Variants in CELSR1 observed in about 807,000 individuals in gnomAD.
CELSR1 encodes the protein cadherin EGF LAG seven-pass G-type receptor 1.
CELSR1 carries 110 observed loss-of-function variants against 249.1 expected under a neutral mutation model. The ratio of observed to expected loss-of-function variants is 0.44; its 90% confidence interval spans 0.38 to 0.52. The LOEUF is 0.52. CELSR1 is among the 20% of genes least tolerant of loss of function. The probability of loss-of-function intolerance (pLI) is 0.00; values close to 1 mark genes in which losing one functional copy is unlikely to be tolerated. For synonymous variants in CELSR1, 2,113 were observed against 1,900.0 expected, an observed-to-expected ratio of 1.11 and a Z score of -2.92; for missense variants, 4,109 against 4,296.4, an observed-to-expected ratio of 0.96 and a Z score of 1.22.
rs747589444 is a variant in CELSR1, at chr22:46,373,016, G to A, written c.7626C>T (p.Tyr2542=). 1 of 1,612,416 alleles carries A rather than the reference G, an allele frequency of 6.2e-7. No individual in the cohort carries two copies. Among genetic ancestry groups the A allele is most frequent in the African/African-American group, 1.3e-5 (1 of 74,936 alleles). The change falls in exon 25 of 35, where the codon TAC becomes TAT. Residue 2542 remains tyrosine, a synonymous_variant. Coordinates refer to ENST00000674500, the MANE Select transcript of CELSR1 (RefSeq NM_001378328.1). ...TVVAILLHYI[Y]MSTFAWTLVE... ...CGAGGGTCCAGGCAAAGGTGCTCAT[G>A]TAGATGTAGTGGAGGAGGATGGCAA...
At position 46,384,644 on chromosome 22, in the gene CELSR1, G is replaced by A. The variant is rs772261975; in HGVS notation, c.6782C>T (p.Ala2261Val). ...DIFDKFNFTGARVPRFDTIHE... is the reference protein window; with the variant it reads ...DIFDKFNFTGVRVPRFDTIHE... ...GATGGTGTCGAATCGCGGGACCCTGGCTCCCGTAAAGTTGAACTTGTCAAA... is the reference window on the plus strand; with the variant it reads ...GATGGTGTCGAATCGCGGGACCCTGACTCCCGTAAAGTTGAACTTGTCAAA... The change falls in exon 20 of 35, where the codon GCC (alanine) becomes GTC (valine). Residue 2261 changes from alanine to valine, a missense_variant. Transcript: ENST00000674500. 6.2e-7 allele frequency: 1 copy of A among 1,613,526 alleles called. No individual in the cohort carries two copies. The highest frequency in any genetic ancestry group is 8.5e-7 in the Non-Finnish European group (1 of 1,179,768).
chr22:46,439,847 G>C (rs147066030), intron 2 of CELSR1, among the ~76,000 whole-genome samples: 1 of 152,072 alleles, frequency 6.6e-6, no homozygotes. Flanking sequence ...GCAGAGCCTC[G>C]TCAGAGATTT....
In CELSR1 at chr22:46,396,605, T is replaced by A. The variant is rs779367034; in HGVS notation, c.5843A>T (p.Lys1948Ile). The change falls in exon 13 of 35, where the codon AAA (lysine) becomes ATA (isoleucine). Residue 1948 changes from lysine (K) to isoleucine (I), a missense_variant and splice_region_variant. Lys to Ile is a moderately radical substitution (Grantham distance 102, BLOSUM62 -3). Around this residue, in one of 7 missense-constraint regions of CELSR1, gnomAD observed 1,805 missense variants for 1,831.6 expected, o/e 0.99. Coordinates refer to ENST00000674500, the MANE Select transcript of CELSR1 (RefSeq NM_001378328.1). The surrounding 1 kb of genome is among the most constrained non-coding windows in gnomAD (Gnocchi z 6.4). ...PSHYGPYCEN[K>I]LDLPCPRGWW... is the part of the protein sequence containing the mutation. ...GGGAGGCACCAGGGGCTGCTCTTACTTGTTCTCACAGTACGGCCCGTAGTG... is the reference window on the plus strand; with the variant it reads ...GGGAGGCACCAGGGGCTGCTCTTACATGTTCTCACAGTACGGCCCGTAGTG... The A allele has an allele frequency of 1.3e-6, 2 of 1,573,722 alleles. No individual in the cohort carries two copies. The highest frequency in any genetic ancestry group is 1.7e-6 in the Non-Finnish European group (2 of 1,161,466).
At chr22:46,524,541 C>T (rs537548718) in intron 1 of CELSR1, among the ~76,000 whole-genome samples, 26 of 77,878 alleles carry the variant, frequency 3.3e-4, no homozygotes, top group East Asian at 1.3e-3. Flanking sequence ...CCGTTGTGTG[C>T]GTGTGTGTGT....
rs1193708027 is a variant in CELSR1, at chr22:46,402,479, A to G, written c.5227-2577T>C. 6.6e-6 allele frequency among the ~76,000 whole-genome samples: 1 copy of G among 152,122 alleles called. No individual in the cohort carries two copies. Among genetic ancestry groups the G allele is most frequent in the Non-Finnish European group, 1.5e-5 (1 of 68,018 alleles). On this transcript the variant is annotated intron_variant, in intron 9 of 34. Coordinates refer to ENST00000674500, the MANE Select transcript of CELSR1 (RefSeq NM_001378328.1). This position sits in a 1 kb window ranked among gnomAD's most constrained non-coding sequence, Gnocchi z 5.0. Reference sequence around the variant, plus strand: ...TGATCTGCCTGTCTTGGCCTCCCAAAGTGCTGGGATTACAGGCATGAGCCA... The same window carrying G: ...TGATCTGCCTGTCTTGGCCTCCCAAGGTGCTGGGATTACAGGCATGAGCCA...
chr22:46,394,583 G>T (rs1199223996), intron 13 of CELSR1, among the ~76,000 whole-genome samples: 3 of 152,216 alleles, frequency 2.0e-5, no homozygotes, highest in Non-Finnish European at 4.4e-5. Flanking sequence ...TCACGATGCA[G>T]CCCCAGGCAG....
At position 46,484,998 on chromosome 22, in the gene CELSR1, C is replaced by A. The variant is rs1202761937; in HGVS notation, c.3545-20653G>T. ...CTGAGAAAATTCCAGTCCTAAATTT[C>A]AAGAGACTGATTCAGCATGACATTA... is the stretch of plus-strand genomic sequence containing the variant. On this transcript the variant is annotated intron_variant, in intron 1 of 34. Coordinates refer to ENST00000674500, the MANE Select transcript of CELSR1 (RefSeq NM_001378328.1). This position sits in a 1 kb window ranked among gnomAD's most constrained non-coding sequence, Gnocchi z 4.5. 1.3e-5 allele frequency among the ~76,000 whole-genome samples: 2 copies of A among 151,852 alleles called. No individual in the cohort carries two copies. Among genetic ancestry groups the A allele is most frequent in the Admixed American group, 1.3e-4 (2 of 15,218 alleles).
intron 1 of CELSR1, among the ~76,000 whole-genome samples, chr22:46,516,826 G>T (rs999171287): frequency 1.2e-4 from 18 of 152,338 alleles, no homozygotes; most frequent in Admixed American, 6.5e-4. Context: ...GCAGGAAGCT[G>T]CGGGGTGGGG....
chr22:46,481,507 A>C (rs1402989647), intron 1 of CELSR1: 1 of 1,530,650 alleles, frequency 6.5e-7, no homozygotes, highest in Admixed American at 1.9e-5. Context: ...GCACCGGACC[A>C]GGTGGTCCTG....
chr22:46,494,513 T>C (rs898369668), intron 1 of CELSR1, among the ~76,000 whole-genome samples: 3 of 152,202 alleles, frequency 2.0e-5, no homozygotes, highest in Admixed American at 6.5e-5. Flanking sequence ...TAATTTATTT[T>C]ATTTTATTTT....
chr22:46,399,354 C>T lies in CELSR1; in HGVS notation c.5412+363G>A, dbSNP rs1266876532. Among the ~76,000 whole-genome samples, 2 of 152,208 alleles carry T rather than the reference C, an allele frequency of 1.3e-5. No homozygotes were observed. The highest frequency in any genetic ancestry group is 4.8e-5 in the African/African-American group (2 of 41,460). Reference sequence around the variant, plus strand: ...TTGCTCCCCATCCATGCTCTGAGGGCACGGGCCCCAGCATTGCTACTTCAG... The same window carrying T: ...TTGCTCCCCATCCATGCTCTGAGGGTACGGGCCCCAGCATTGCTACTTCAG... On this transcript the variant is annotated intron_variant, in intron 10 of 34. Coordinates refer to ENST00000674500, the MANE Select transcript of CELSR1 (RefSeq NM_001378328.1). This position sits in a 1 kb window ranked among gnomAD's most constrained non-coding sequence, Gnocchi z 5.0.
At position 46,409,709 on chromosome 22, in the gene CELSR1, T is replaced by C. The variant is rs1410160943; in HGVS notation, c.5059+46A>G. The C allele has an allele frequency of 1.2e-6, 2 of 1,606,052 alleles. No individual in the cohort carries two copies. The highest frequency in any genetic ancestry group is 1.1e-5 in the South Asian group (1 of 91,032). On this transcript the variant is annotated intron_variant, in intron 8 of 34. Coordinates refer to ENST00000674500, the MANE Select transcript of CELSR1 (RefSeq NM_001378328.1). This position sits in a 1 kb window ranked among gnomAD's most constrained non-coding sequence, Gnocchi z 9.8. The stretch of plus-strand genomic sequence containing the variant: ...CCCGGGCACATCAAGGAGCAATGCC[T>C]CCCAGGCCGCCGTGACCGGGGGGAT...
At chr22:46,366,558 C>A in intron 29 of CELSR1, 78 bp from the exon 30 acceptor site, 3 of 1,179,344 alleles carry the variant, frequency 2.5e-6, no homozygotes, top group Non-Finnish European at 3.7e-6. Flanking sequence ...TCTGTCCCCA[C>A]GGCAAGCCCC....
At chr22:46,400,359 T>C (rs1602082390) in intron 9 of CELSR1, among the ~76,000 whole-genome samples, 1 of 149,924 alleles carries the variant, frequency 6.7e-6, no homozygotes, top group Non-Finnish European at 1.5e-5. Context: ...CAAAGTTGGC[T>C]GGGAGCAGTG....
At chr22:46,457,843 C>G (rs1043528612) in intron 2 of CELSR1, among the ~76,000 whole-genome samples, 1 of 152,178 alleles carries the variant, frequency 6.6e-6, no homozygotes, top group Admixed American at 6.6e-5. Flanking sequence ...TTGGAGGGTC[C>G]GGTTCCTCCT....
At chr22:46,460,706 G>A (rs1238814785) in intron 2 of CELSR1, among the ~76,000 whole-genome samples, 2 of 152,180 alleles carry the variant, frequency 1.3e-5, no homozygotes, top group Admixed American at 6.5e-5. Flanking sequence ...GGAGCCTTAA[G>A]GCTTCCTGCC....
In CELSR1 at chr22:46,391,981, G is replaced by T. The variant is rs1026176196; in HGVS notation, c.5965-165C>A. Among the ~76,000 whole-genome samples the T allele has an allele frequency of 3.9e-5, 6 of 152,208 alleles. No individual in the cohort carries two copies. Among genetic ancestry groups the T allele is most frequent in the Non-Finnish European group, 8.8e-5 (6 of 68,022 alleles). On this transcript the variant is annotated intron_variant, in intron 14 of 34. Transcript: ENST00000674500. The surrounding 1 kb of genome is among the most constrained non-coding windows in gnomAD (Gnocchi z 4.3). Reference sequence around the variant, plus strand: ...CTCTGCCCACATCCCACACCCAACGGGGGCTGCCTCCCAAGGCCCCACAAG... The same window carrying T: ...CTCTGCCCACATCCCACACCCAACGTGGGCTGCCTCCCAAGGCCCCACAAG...
chr22:46,520,303 G>A (rs370490064), intron 1 of CELSR1, among the ~76,000 whole-genome samples: 12 of 152,254 alleles, frequency 7.9e-5, no homozygotes, highest in African/African-American at 2.2e-4. Flanking sequence ...AAAGGAACCC[G>A]TTCAGTGCTC....
In CELSR1 at chr22:46,537,578, C is replaced by G. The variant is rs1019789662; in HGVS notation, c.-408G>C. On this transcript the variant is annotated 5_prime_UTR_variant, in exon 1 of 35. Coordinates refer to ENST00000674500, the MANE Select transcript of CELSR1 (RefSeq NM_001378328.1). This position sits in a 1 kb window ranked among gnomAD's most constrained non-coding sequence, Gnocchi z 5.8. The stretch of plus-strand genomic sequence containing the variant: ...CGGAGCGGGCTGGGCAGCTCCGCGC[C>G]GCGCAGACCCCGGCGGCCGGCTGCT... Among the ~76,000 whole-genome samples, 19 of 147,202 alleles carry G rather than the reference C, an allele frequency of 1.3e-4. No homozygotes were observed. Among genetic ancestry groups the G allele is most frequent in the African/African-American group, 4.6e-4 (19 of 40,902 alleles).
Sources: gnomAD v4.1 joint callset for allele counts (sites outside exome capture counted in the v4.1 genomes callset) on GRCh38, gnomAD v4.1.1 for gene constraint, gnomAD v4.1.1 regional missense constraint, Gnocchi (gnomAD v3.1) non-coding constraint, MANE v1.5 for transcripts, NCBI Gene and HGNC (gene_info 2026-07-23, HGNC 2026-07-21) for gene names.